Variants in MDGA2 observed in about 807,000 individuals in gnomAD.
MDGA2 encodes MAM domain-containing glycosylphosphatidylinositol anchor protein 2.
In MDGA2, 40 loss-of-function variants were observed where a neutral mutation model predicts 117.8. The ratio of observed to expected loss-of-function variants is 0.34; its 90% CI spans 0.26 to 0.44. The LOEUF is 0.44. MDGA2 is among the 20% of genes least tolerant of loss of function. The pLI, the probability that MDGA2 is intolerant of heterozygous loss-of-function variation, is 1.00. For synonymous variants in MDGA2, 452 were observed against 439.0 expected (o/e 1.03, Z -0.37); for missense variants, 1,123 against 1,250.6 (o/e 0.90, Z 1.54).
chr14:46,996,276 G>A (rs1445216582), intron 8 of MDGA2, among the ~76,000 whole-genome samples: 2 of 152,142 alleles, frequency 1.3e-5, no homozygotes, highest in South Asian at 2.1e-4. Context: ...TATCCAAAAT[G>A]CCAAGGAAAA....
intron 1 of MDGA2, among the ~76,000 whole-genome samples, chr14:47,550,157 G>A (rs899036270): frequency 6.6e-6 from 1 of 152,032 alleles, no homozygotes; most frequent in African/African-American, 2.4e-5. Flanking sequence ...CTGCCCCCAC[G>A]TCTTTCCTAA....
intron 1 of MDGA2, among the ~76,000 whole-genome samples, chr14:47,657,723 C>T (rs915634201): frequency 6.6e-6 from 1 of 152,108 alleles, no homozygotes; most frequent in Non-Finnish European, 1.5e-5. Context: ...CCAAAGGGAT[C>T]CACTGAACAG....
chr14:47,018,747 A>G lies in MDGA2; in HGVS notation c.1819+16264T>C, dbSNP rs1019394203. Among the ~76,000 whole-genome samples, 140 of 147,674 alleles carry G rather than the reference A, an allele frequency of 9.5e-4. 4 individuals carry two copies. Among genetic ancestry groups the G allele is most frequent in the African/African-American group, 3.2e-3 (132 of 40,734 alleles). On this transcript the variant is annotated intron_variant, in intron 8 of 16. Transcript: ENST00000399232. Reference sequence around the variant, plus strand: ...GCCATTTTACTGAAAAAAAAAAAAAAAAAAAAAAAAAAAAAGTCTCCATTG... The same window carrying G: ...GCCATTTTACTGAAAAAAAAAAAAAGAAAAAAAAAAAAAAAGTCTCCATTG...
intron 1 of MDGA2, among the ~76,000 whole-genome samples, chr14:47,616,479 T>C (rs1210485986): frequency 1.3e-5 from 2 of 152,232 alleles, no homozygotes; most frequent in African/African-American, 4.8e-5. Context: ...CAGTACAGTT[T>C]TGGAGCACGT....
intron 1 of MDGA2, among the ~76,000 whole-genome samples, chr14:47,536,638 G>A (rs1394345021): frequency 1.3e-5 from 2 of 152,194 alleles, no homozygotes; most frequent in South Asian, 4.1e-4. Flanking sequence ...TTGTAATGAA[G>A]TGAAAATTAT....
chr14:46,846,743 T>A (rs2860310), intron 15 of MDGA2, among the ~76,000 whole-genome samples: 86,506 of 151,980 alleles, frequency 0.57, 26,746 homozygotes, highest in Admixed American at 0.7. Context: ...TTTGATACTG[T>A]AAGGCAATTC....
chr14:47,254,488 C>T (rs527533335), intron 2 of MDGA2, among the ~76,000 whole-genome samples: 10 of 152,256 alleles, frequency 6.6e-5, no homozygotes, highest in African/African-American at 2.4e-4. Flanking sequence ...CAACAAGTTC[C>T]TCATCTTCAT....
intron 8 of MDGA2, among the ~76,000 whole-genome samples, chr14:47,005,728 A>G (rs1887686265): frequency 6.6e-6 from 1 of 151,376 alleles, no homozygotes; most frequent in Admixed American, 6.6e-5. Context: ...TTATTTTTCT[A>G]TTTTTCATCT....
At position 47,609,446 on chromosome 14, in the gene MDGA2, T is replaced by C. The variant is rs1244731743; in HGVS notation, c.280+65071A>G. The stretch of plus-strand genomic sequence containing the variant: ...ATTCCATCATATATATATATATATA[T>C]ATATATATATATATATATAAGTTTC... On this transcript the variant is annotated intron_variant, in intron 1 of 16. Transcript: ENST00000399232. 1.0e-4 allele frequency among the ~76,000 whole-genome samples: 10 copies of C among 96,170 alleles called. 3 individuals carry two copies. In the East Asian group the frequency reaches 3.2e-3, roughly 31 times the overall value. 63.1% of individuals were successfully genotyped at this position (96,170 alleles called of 152,430 possible).
At chr14:47,245,945 T>A (rs1004644165) in intron 2 of MDGA2, among the ~76,000 whole-genome samples, 33 of 151,692 alleles carry the variant, frequency 2.2e-4, no homozygotes, top group Non-Finnish European at 1.9e-4. Flanking sequence ...ATCACCTCTT[T>A]TTGCAGACGA....
intron 5 of MDGA2, among the ~76,000 whole-genome samples, chr14:47,106,608 C>T (rs1880698181): frequency 6.6e-6 from 1 of 152,074 alleles, no homozygotes; most frequent in Non-Finnish European, 1.5e-5. Flanking sequence ...TGGCTCAAGG[C>T]TCTCTGACTG....
chr14:47,272,888 C>T (rs1172741939), intron 2 of MDGA2, among the ~76,000 whole-genome samples: 2 of 152,082 alleles, frequency 1.3e-5, no homozygotes, highest in East Asian at 3.9e-4. Flanking sequence ...ATTAAATTAG[C>T]TTAGCTGAAG....
chr14:47,238,849 C>T (rs1276198413), intron 2 of MDGA2, among the ~76,000 whole-genome samples: 1 of 151,512 alleles, frequency 6.6e-6, no homozygotes, highest in East Asian at 1.9e-4. Context: ...ATGACTAATG[C>T]AGAGGACCCC....
At chr14:47,355,745 A>C (rs1385298599) in intron 1 of MDGA2, among the ~76,000 whole-genome samples, 1 of 152,156 alleles carries the variant, frequency 6.6e-6, no homozygotes, top group East Asian at 1.9e-4. Context: ...CCTCTACAAG[A>C]GAAGTCACTT....
intron 10 of MDGA2, among the ~76,000 whole-genome samples, chr14:46,901,328 T>TAAA (rs1385716214): frequency 1.3e-5 from 2 of 151,978 alleles, no homozygotes; most frequent in African/African-American, 4.8e-5. Context: ...AAACTTAAAG[T>TAAA]ATAATAATAA....
chr14:47,216,803 A>G (rs1367778606), intron 3 of MDGA2, among the ~76,000 whole-genome samples: 2 of 152,114 alleles, frequency 1.3e-5, no homozygotes, highest in Non-Finnish European at 2.9e-5. Flanking sequence ...GGAAAATGGA[A>G]GCCAGGGGCT....
At chr14:46,844,675 T>A (rs1880751582) in intron 16 of MDGA2, among the ~76,000 whole-genome samples, 1 of 152,166 alleles carries the variant, frequency 6.6e-6, no homozygotes, top group South Asian at 2.1e-4. Context: ...AGGCTTTGTG[T>A]CCTCACACAA....
intron 1 of MDGA2, among the ~76,000 whole-genome samples, chr14:47,531,422 C>T (rs946597201): frequency 1.3e-5 from 2 of 152,088 alleles, no homozygotes; most frequent in African/African-American, 4.8e-5. Context: ...CTTCAAAAGA[C>T]AATACTAGCA....
At chr14:47,323,120 G>A (rs1377614162) in intron 1 of MDGA2, among the ~76,000 whole-genome samples, 1 of 128,008 alleles carries the variant, frequency 7.8e-6, no homozygotes, top group African/African-American at 3.0e-5. Context: ...GTTATGTGTT[G>A]AATAAGCCCC....
Sources: gnomAD v4.1 joint callset for allele counts (sites outside exome capture counted in the v4.1 genomes callset) on GRCh38, gnomAD v4.1.1 for gene constraint, MANE v1.5 for transcripts, NCBI Gene and HGNC (gene_info 2026-07-23, HGNC 2026-07-21) for gene names.